The following AKAP10 variants were observed in gnomAD, a reference collection of about 807,000 sequenced individuals.
AKAP10 encodes A-kinase anchor protein 10, mitochondrial.
AKAP10 carries 24 observed loss-of-function variants against 80.8 expected under a neutral mutation model. That is an observed-to-expected ratio of 0.30 (90% confidence interval 0.22 to 0.42). The LOEUF (loss-of-function observed/expected upper bound fraction) is 0.42, where lower values mean the gene tolerates loss of function less well. Ranked by LOEUF, AKAP10 falls within the 10% of genes least tolerant of loss-of-function variation. The probability of loss-of-function intolerance (pLI) is 1.00; values close to 1 mark genes in which losing one functional copy is unlikely to be tolerated. For synonymous variants in AKAP10, 291 were observed against 277.7 expected (o/e 1.05, Z -0.48); for missense variants, 661 against 794.9 (o/e 0.83, Z 2.03).
intron 7 of AKAP10, among the ~76,000 whole-genome samples, chr17:19,940,301 T>C: frequency 6.6e-6 from 1 of 152,338 alleles, no homozygotes; most frequent in East Asian, 1.9e-4. Flanking sequence ...TGTATTCTTG[T>C]AAAGAGGCAG....
Position 19,958,335 on chromosome 17 carries a change from C to G in AKAP10, c.556G>C (p.Val186Leu), listed in dbSNP as rs776894692. The G allele has an allele frequency of 9.3e-6, 15 of 1,614,108 alleles. No individual in the cohort carries two copies. The South Asian group carries it at 9.9e-5, about 11-fold the overall frequency. Residue 186 changes from valine (V) to leucine (L), a missense_variant, in exon 4 of 15, where the codon GTC (valine) becomes CTC (leucine). Transcript: ENST00000225737. ...GTTTCATGCTTTTTAGATGGAGAGACAGGCTCAGCCAGTGAGCTCTGCTTC... is the reference window on the plus strand; with the variant it reads ...GTTTCATGCTTTTTAGATGGAGAGAGAGGCTCAGCCAGTGAGCTCTGCTTC... The part of the protein sequence containing the change: ...TVKQSSLAEP[V>L]SPSKKHETTA...
chr17:19,951,953 G>GGA (rs2043220791), intron 4 of AKAP10, among the ~76,000 whole-genome samples: 1 of 144,802 alleles, frequency 6.9e-6, no homozygotes, highest in Non-Finnish European at 1.5e-5. Flanking sequence ...AATCAAAGAG[G>GGA]GAGAAACAGA....
chr17:19,927,788 T>C (rs542950035), intron 10 of AKAP10, among the ~76,000 whole-genome samples: 1 of 151,498 alleles, frequency 6.6e-6, no homozygotes, highest in South Asian at 2.1e-4. Context: ...TAGGCACCTG[T>C]AATCCCAGCT....
At chr17:19,916,924 G>A (rs530930517) in intron 12 of AKAP10, among the ~76,000 whole-genome samples, 23 of 149,384 alleles carry the variant, frequency 1.5e-4, no homozygotes, top group African/African-American at 4.0e-4. Context: ...GCGACAGAGC[G>A]AGAGTCTGTC....
At chr17:19,946,273 A>ATTTTTTTT (rs2043127678) in intron 5 of AKAP10, among the ~76,000 whole-genome samples, 1 of 19,808 alleles carries the variant, frequency 5.0e-5, no homozygotes, top group Non-Finnish European at 8.5e-5. Flanking sequence ...ATATATATAT[A>ATTTTTTTT]TATTTTTTTT....
chr17:19,963,725 T>C (rs912265389), intron 2 of AKAP10, among the ~76,000 whole-genome samples: 1 of 151,942 alleles, frequency 6.6e-6, no homozygotes, highest in Non-Finnish European at 1.5e-5. Context: ...TGAAACCCTG[T>C]CTCTACTAAA....
chr17:19,925,334 A>G (rs950063091), intron 10 of AKAP10, among the ~76,000 whole-genome samples: 2 of 152,202 alleles, frequency 1.3e-5, no homozygotes, highest in South Asian at 2.1e-4. Context: ...CCATGTTTAC[A>G]GGGTAAATAG....
intron 12 of AKAP10, among the ~76,000 whole-genome samples, chr17:19,910,313 G>A (rs2042675568): frequency 1.9e-5 from 2 of 105,514 alleles, no homozygotes; most frequent in South Asian, 2.8e-4. Flanking sequence ...GCAACAGAGC[G>A]AGACTCCAAC....
rs549432499 is a variant in AKAP10 at position 19,948,671 on chromosome 17, A to G, written c.878-1166T>C. On this transcript the variant is annotated intron_variant, in intron 4 of 14. Coordinates refer to ENST00000225737, the MANE Select transcript of AKAP10 (RefSeq NM_007202.4). ...AAAGGGATAAAGGGAGGTTCTTAGA[A>G]GGCAGAACGTGTCAGGGACATCACA... Among the ~76,000 whole-genome samples, 20 of 152,302 alleles carry G rather than the reference A, an allele frequency of 1.3e-4. No homozygotes were observed. In the East Asian group the frequency reaches 3.1e-3, roughly 24 times the overall value.
At chr17:19,923,813 A>T (rs951374949) in intron 11 of AKAP10, among the ~76,000 whole-genome samples, 2 of 152,240 alleles carry the variant, frequency 1.3e-5, no homozygotes, top group Non-Finnish European at 2.9e-5. Context: ...GGTGTGAGCC[A>T]CTGCGCCTGG....
At chr17:19,942,894 G>GTT (rs199674143) in intron 5 of AKAP10, among the ~76,000 whole-genome samples, 11 of 145,796 alleles carry the variant, frequency 7.5e-5, no homozygotes, top group Middle Eastern at 3.5e-3. Flanking sequence ...TCTTTGCCCA[G>GTT]TTTTTTTTTT....
At chr17:19,919,100 C>T (rs2042782776) in intron 12 of AKAP10, among the ~76,000 whole-genome samples, 3 of 149,720 alleles carry the variant, frequency 2.0e-5, no homozygotes, top group African/African-American at 7.4e-5. Flanking sequence ...CGACAGGCCC[C>T]AGCGTGTGAT....
chr17:19,974,133 A>G (rs1184292285), intron 1 of AKAP10, among the ~76,000 whole-genome samples: 1 of 152,154 alleles, frequency 6.6e-6, no homozygotes, highest in African/African-American at 2.4e-5. Flanking sequence ...CGGAGGTTGC[A>G]GTGAGCCAAG....
intron 12 of AKAP10, among the ~76,000 whole-genome samples, chr17:19,918,741 G>A (rs1307450027): frequency 1.3e-5 from 2 of 152,262 alleles, no homozygotes; most frequent in African/African-American, 4.8e-5. Flanking sequence ...GATACCATCT[G>A]TCACGGATCC....
intron 14 of AKAP10, among the ~76,000 whole-genome samples, chr17:19,907,109 C>T (rs1452830142): frequency 6.6e-6 from 1 of 152,028 alleles, no homozygotes; most frequent in Non-Finnish European, 1.5e-5. Context: ...CCTCTGCCTC[C>T]CGGGTTCAAG....
At chr17:19,976,668 C>G (rs2043571741) in intron 1 of AKAP10, among the ~76,000 whole-genome samples, 1 of 152,038 alleles carries the variant, frequency 6.6e-6, no homozygotes, top group Middle Eastern at 3.4e-3. Flanking sequence ...TACAGGCATG[C>G]GCCACCACCC....
intron 13 of AKAP10, among the ~76,000 whole-genome samples, chr17:19,909,663 G>A (rs118020534): frequency 2.2e-3 from 342 of 152,322 alleles, no homozygotes; most frequent in Non-Finnish European, 3.7e-3. Context: ...GATTACTGAT[G>A]CCTGCTGGCT....
chr17:19,929,442 T>C (rs1314440120), intron 10 of AKAP10: 1 of 152,124 alleles, frequency 6.6e-6, no homozygotes, highest in African/African-American at 2.4e-5. Context: ...AAAGTCAGGA[T>C]AGTAGCTACC....
intron 4 of AKAP10, among the ~76,000 whole-genome samples, chr17:19,951,034 G>T (rs1197331418): frequency 6.6e-6 from 1 of 150,868 alleles, no homozygotes; most frequent in South Asian, 2.1e-4. Context: ...GTCTCTGCCC[G>T]GCCGCCCCGT....
Sources: gnomAD v4.1 joint callset for allele counts (sites outside exome capture counted in the v4.1 genomes callset) on GRCh38, gnomAD v4.1.1 for gene constraint, MANE v1.5 for transcripts, NCBI Gene and HGNC (gene_info 2026-07-23, HGNC 2026-07-21) for gene names.